SPG7: variants seen among roughly 807,000 people sequenced by gnomAD.
The protein encoded by SPG7 is mitochondrial inner membrane m-AAA protease component paraplegin.
A neutral mutation model predicts 81.9 loss-of-function variants in SPG7; 103 were observed. That is an observed-to-expected ratio of 1.26 (90% CI 1.07 to 1.48). The LOEUF is 1.48. Among genes scored for constraint, SPG7 ranks in the 40% most tolerant of loss-of-function variants. SPG7 has a pLI of 0.00. For missense variants in SPG7, 1,241 were observed against 1,087.3 expected (o/e 1.14, Z -1.99); for synonymous variants, 534 against 444.2 (o/e 1.20, Z -2.54).
chr16:89,526,387 T>C lies in SPG7; in HGVS notation c.677T>C (p.Leu226Pro). 1 of 1,614,190 alleles carries C rather than the reference T, an allele frequency of 6.2e-7. No homozygotes were observed. Among genetic ancestry groups the C allele is most frequent in the Non-Finnish European group, 8.5e-7 (1 of 1,180,028 alleles). ...AATATTGACAAGTTTGAAGAGAAGC[T>C]TCGAGCAGCTGAAGATGAGCTGAAT... Reference protein sequence around the residue: ...VANIDKFEEKLRAAEDELNIE... With the variant: ...VANIDKFEEKPRAAEDELNIE... Residue 226 changes from leucine (L) to proline (P), a missense_variant, in exon 5 of 17, where the codon CTT (leucine) becomes CCT (proline). Leu to Pro is a moderately conservative substitution (Grantham distance 98). Coordinates refer to ENST00000645818, the MANE Select transcript of SPG7 (RefSeq NM_003119.4).
chr16:89,557,477 C>G lies in SPG7; in HGVS notation c.*384C>G, dbSNP rs2058699520. 3.5e-6 allele frequency: 1 copy of G among 288,072 alleles called. No homozygotes were observed. 17.8% of individuals were successfully genotyped at this position (288,072 alleles called of 1,614,324 possible). On this transcript the variant is annotated 3_prime_UTR_variant, in exon 17 of 17. Transcript: ENST00000645818. ...CGACGCTTGCACGACCGCCCCAGTT[C>G]CTGTGGCTCCCTCGGAATGCTAAGG...
chr16:89,515,018 G>A (rs2058077068), intron 3 of SPG7, among the ~76,000 whole-genome samples: 2 of 145,746 alleles, frequency 1.4e-5, no homozygotes, highest in Non-Finnish European at 3.0e-5. Context: ...CTCACTGCAA[G>A]CTCCGTCTCC....
intron 4 of SPG7, among the ~76,000 whole-genome samples, chr16:89,525,233 G>A (rs2058244939): frequency 6.6e-6 from 1 of 152,128 alleles, no homozygotes; most frequent in African/African-American, 2.4e-5. Context: ...CTTCCAAAGT[G>A]CCAGATCACA....
At position 89,553,842 on chromosome 16, in the gene SPG7, T is replaced by C; in HGVS notation, c.1985T>C (p.Val662Ala). 1 of 1,613,546 alleles carries C rather than the reference T, an allele frequency of 6.2e-7. No homozygotes were observed. Among genetic ancestry groups the C allele is most frequent in the Non-Finnish European group, 8.5e-7 (1 of 1,180,002 alleles). ...RKVTRIAYSM[V>A]KQFGMAPGIG... ...GTCACCCGCATCGCCTACTCCATGGTGAAGCAGTTTGGGATGGCACCTGGC... is the reference window on the plus strand; with the variant it reads ...GTCACCCGCATCGCCTACTCCATGGCGAAGCAGTTTGGGATGGCACCTGGC... The change falls in exon 15 of 17, where the codon GTG (valine) becomes GCG (alanine). Residue 662 changes from valine (V) to alanine (A), a missense_variant. Coordinates refer to ENST00000645818, the MANE Select transcript of SPG7 (RefSeq NM_003119.4).
intron 16 of SPG7, 163 bp downstream of exon 16, chr16:89,554,726 T>C (rs1219000006): frequency 4.7e-5 from 30 of 643,268 alleles, no homozygotes; most frequent in Non-Finnish European, 5.7e-5. Context: ...ACGTGTTCCA[T>C]ACTTTTTATC....
In SPG7 at chr16:89,556,890, G is replaced by T. The variant is rs1400317400; in HGVS notation, c.2185G>T (p.Ala729Ser). Reference protein sequence around the residue: ...QDNLDKLQALANALLEKEVIN... With the variant: ...QDNLDKLQALSNALLEKEVIN... ...CTGCTATGCCTGTTCTTTCTAGCTG[G>T]CAAACGCCCTTCTGGAAAAGGAAGT... The change falls in exon 17 of 17, where the codon GCA becomes TCA. Residue 729 changes from alanine (A) to serine (S), a missense_variant. By Grantham distance (99) the Ala-to-Ser change is moderately conservative. Coordinates refer to ENST00000645818, the MANE Select transcript of SPG7 (RefSeq NM_003119.4). The T allele has an allele frequency of 6.2e-7, 1 of 1,613,062 alleles. No individual in the cohort carries two copies. The highest frequency in any genetic ancestry group is 8.5e-7 in the Non-Finnish European group (1 of 1,179,264).
At chr16:89,535,521 C>T (rs1206394160) in intron 9 of SPG7, among the ~76,000 whole-genome samples, 5 of 152,244 alleles carry the variant, frequency 3.3e-5, no homozygotes, top group Admixed American at 6.5e-5. Flanking sequence ...GGAACTAACG[C>T]GTGAGCAACC....
At chr16:89,529,352 G>C (rs555718158) in intron 5 of SPG7, 125 bp from the exon 6 acceptor site, 1 of 716,396 alleles carries the variant, frequency 1.4e-6, no homozygotes, top group Non-Finnish European at 2.5e-6. Flanking sequence ...TCTGCGCATC[G>C]GTCCCAGACG....
chr16:89,532,962 A>T (rs1252038159), intron 9 of SPG7: 3 of 378,226 alleles, frequency 7.9e-6, no homozygotes, highest in Admixed American at 3.7e-5. Flanking sequence ...AGGTGCTTAT[A>T]ATCGCTAGTA....
At chr16:89,536,450 TCGGTGAGGC>T (rs1361712540) in intron 9 of SPG7, among the ~76,000 whole-genome samples, 1 of 119,188 alleles carries the variant, frequency 8.4e-6, no homozygotes, top group African/African-American at 3.1e-5. Context: ...CTGAGGACTC[TCGGTGAGGC>T]GGGTGAGGCG....
rs1567933763 is a variant in SPG7 at position 89,553,149 on chromosome 16, G to GCGC, written c.1936+15_1936+17dup. The stretch of plus-strand genomic sequence containing the variant: ...AGGTCACTTCTGGTGAGGAGCAGCG[G>GCGC]CGCGGGCCCTGGAGGTTTCAGAGCG... On this transcript the variant is annotated intron_variant, in intron 14 of 16. Transcript: ENST00000645818. 1 of 1,590,356 alleles carries GCGC rather than the reference G, an allele frequency of 6.3e-7. No individual in the cohort carries two copies. Among genetic ancestry groups the GCGC allele is most frequent in the South Asian group, 1.1e-5 (1 of 87,940 alleles).
At chr16:89,531,812 C>T in intron 7 of SPG7, 92 bp from the exon 8 acceptor site, 2 of 1,361,982 alleles carry the variant, frequency 1.5e-6, no homozygotes, top group Non-Finnish European at 1.0e-6. Context: ...CCACTGCACT[C>T]CAGCCTGCGT....
At chr16:89,524,337 G>A in intron 4 of SPG7, 90 bp downstream of exon 4, 1 of 1,454,944 alleles carries the variant, frequency 6.9e-7, no homozygotes, top group Non-Finnish European at 9.3e-7. Context: ...TGTGAATGAG[G>A]GTGTGGGCGC....
At chr16:89,532,772 G>T in intron 9 of SPG7, 136 bp downstream of exon 9, 1 of 813,652 alleles carries the variant, frequency 1.2e-6, no homozygotes, top group African/African-American at 1.8e-5. Context: ...TCTGTCTCAA[G>T]AAAAAAAAAA....
chr16:89,544,621 G>A, intron 9 of SPG7, 27 bp from the exon 10 acceptor site: 2 of 1,613,668 alleles, frequency 1.2e-6, no homozygotes, highest in Non-Finnish European at 1.7e-6. Context: ...CCTACCCTCA[G>A]AGCCACTGTC....
In SPG7 at chr16:89,536,615, AGGCGGGTGAG is replaced by A. The variant is rs1221388005; in HGVS notation, c.1324+3991_1324+4000del. On this transcript the variant is annotated intron_variant, in intron 9 of 16. Coordinates refer to ENST00000645818, the MANE Select transcript of SPG7 (RefSeq NM_003119.4). The stretch of plus-strand genomic sequence containing the variant: ...TGAGGCAGGTGAGGTGAGGTGGGTG[AGGCGGGTGAG>A]GGCGGGTGAGGCGGGCGAGGTGGGC... 7.6e-4 allele frequency: 586 copies of A among 775,256 alleles called. 5 individuals carry two copies. Among genetic ancestry groups the A allele is most frequent in the African/African-American group, 1.8e-3 (60 of 34,284 alleles). 48.0% of individuals were successfully genotyped at this position (775,256 alleles called of 1,614,324 possible).
chr16:89,534,835 C>T (rs1311832563), intron 9 of SPG7, among the ~76,000 whole-genome samples: 1 of 152,246 alleles, frequency 6.6e-6, no homozygotes, highest in Non-Finnish European at 1.5e-5. Flanking sequence ...CCAGACCCAT[C>T]CACAGGTGCT....
rs752257333 is a variant in SPG7, at chr16:89,554,486, G to A, written c.2104G>A (p.Glu702Lys). Residue 702 changes from glutamate (E) to lysine (K), a missense_variant and splice_region_variant, in exon 16 of 17, where the codon GAA becomes AAA. Coordinates refer to ENST00000645818, the MANE Select transcript of SPG7 (RefSeq NM_003119.4). ...CTGACACAGTTCCCTCCACTCACAG[G>A]AAGCAAGACTGCTGGTGGCCAAGGC... is the stretch of plus-strand genomic sequence containing the variant. ...SQGLQQMMDHEARLLVAKAYR... is the reference protein window; with the variant it reads ...SQGLQQMMDHKARLLVAKAYR... The A allele has an allele frequency of 1.2e-6, 2 of 1,607,466 alleles. No individual in the cohort carries two copies. Among genetic ancestry groups the A allele is most frequent in the Admixed American group, 1.7e-5 (1 of 59,976 alleles).
intron 9 of SPG7, chr16:89,540,138 A>C (rs1264307738): frequency 6.6e-6 from 1 of 152,312 alleles, no homozygotes; most frequent in Non-Finnish European, 1.5e-5. Context: ...AGACGAGAGC[A>C]GGTGGAGTGA....
Sources: gnomAD v4.1 joint callset for allele counts (sites outside exome capture counted in the v4.1 genomes callset) on GRCh38, gnomAD v4.1.1 for gene constraint, MANE v1.5 for transcripts, NCBI Gene and HGNC (gene_info 2026-07-23, HGNC 2026-07-21) for gene names.